IHH: variants seen among roughly 807,000 people sequenced by gnomAD.
IHH encodes indian hedgehog protein.
IHH carries 9 observed loss-of-function variants against 29.4 expected under a neutral mutation model. That is an observed-to-expected ratio of 0.31 (90% confidence interval 0.18 to 0.53). The LOEUF (loss-of-function observed/expected upper bound fraction) is 0.53, where lower values mean the gene tolerates loss of function less well. Among genes scored for constraint, IHH ranks in the 20% least tolerant of loss-of-function variants. The pLI, the probability that IHH is intolerant of heterozygous loss-of-function variation, is 0.95. For synonymous variants in IHH, 254 were observed against 252.7 expected (o/e 1.01, Z -0.05); for missense variants, 454 against 578.1 (o/e 0.79, Z 2.20).
rs1242352078 is a variant in IHH, at chr2:219,055,050, G to A, written c.*157C>T. On this transcript the variant is annotated 3_prime_UTR_variant, in exon 3 of 3. Coordinates refer to ENST00000295731, the MANE Select transcript of IHH (RefSeq NM_002181.4). ...CACGACGGGGGTGGGGGACGCTGGT[G>A]TTGCCCAGTCAAGTCTCAATGGTGT... The A allele has an allele frequency of 7.8e-6, 6 of 772,880 alleles. No homozygotes were observed. The highest frequency in any genetic ancestry group is 2.7e-5 in the East Asian group (1 of 37,072). The allele number at this position is 772,880 out of a possible 1,614,324, so 47.9% of individuals were successfully genotyped here.
Position 219,055,111 on chromosome 2 carries a change from C to G in IHH, c.*96G>C. The G allele has an allele frequency of 7.7e-7, 1 of 1,298,702 alleles. No individual in the cohort carries two copies. The highest frequency in any genetic ancestry group is 1.1e-6 in the Non-Finnish European group (1 of 927,798). The allele number at this position is 1,298,702 out of a possible 1,614,324, so 80.4% of individuals were successfully genotyped here. ...CAGAGGAGATGGCAGGAGCCAGTGT[C>G]CCCCAGCTCAGGTCCCTTCCAGGGC... On this transcript the variant is annotated 3_prime_UTR_variant, in exon 3 of 3. Transcript: ENST00000295731.
At chr2:219,056,467 G>A (rs1948832084) in intron 2 of IHH, among the ~76,000 whole-genome samples, 2 of 152,210 alleles carry the variant, frequency 1.3e-5, no homozygotes, top group Non-Finnish European at 2.9e-5. Context: ...AGGTGAGCTG[G>A]AGAACAGTGT....
Position 219,060,463 on chromosome 2 carries a change from G to C in IHH, c.5C>G (p.Ser2Cys). 1.3e-6 allele frequency: 2 copies of C among 1,503,438 alleles called. No homozygotes were observed. Among genetic ancestry groups the C allele is most frequent in the Non-Finnish European group, 8.8e-7 (1 of 1,131,122 alleles). The allele number at this position is 1,503,438 out of a possible 1,614,324, so 93.1% of individuals were successfully genotyped here. A position where few individuals can be genotyped will look rare whatever the true frequency, so the allele number is the denominator to read the frequency against. The change falls in exon 1 of 3, where the codon TCT (serine) becomes TGT (cysteine). Residue 2 changes from serine (S) to cysteine (C), a missense_variant. Physicochemically the swap from Ser to Cys is moderately radical, Grantham distance 112. This residue lies in a region of IHH where 113 missense variants were observed against 122.1 expected (regional missense o/e 0.93). Coordinates refer to ENST00000295731, the MANE Select transcript of IHH (RefSeq NM_002181.4). This position sits in a 1 kb window ranked among gnomAD's most constrained non-coding sequence, Gnocchi z 8.8. The stretch of plus-strand genomic sequence containing the variant: ...CAGTCGGGGCCGGAGCCGGGCGGGA[G>C]ACATGGCCGGGGAGCCCGGGGGAGC... Reference protein sequence around the residue: MSPARLRPRLHF... With the variant: MCPARLRPRLHF...
Position 219,060,563 on chromosome 2 carries a change from TGGCTCCGGGG to T in IHH, c.-106_-97del. 1.2e-6 allele frequency: 1 copy of T among 862,406 alleles called. No homozygotes were observed. Among genetic ancestry groups the T allele is most frequent in the Non-Finnish European group, 1.6e-6 (1 of 631,336 alleles). The allele number at this position is 862,406 out of a possible 1,614,324, so 53.4% of individuals were successfully genotyped here. ...CGCTGCGGGGGCTCAGGCGTCCGGG[TGGCTCCGGGG>T]GGCTCCAGGCGGGGGCGCCATGGGC... On this transcript the variant is annotated 5_prime_UTR_variant, in exon 1 of 3. It removes the in-frame stop codon of an upstream open reading frame in the 5' UTR. Transcript: ENST00000295731. The surrounding 1 kb of genome is among the most constrained non-coding windows in gnomAD (Gnocchi z 8.8).
intron 2 of IHH, among the ~76,000 whole-genome samples, 155 bp downstream of exon 2, chr2:219,057,277 CA>C (rs1236872148): frequency 1.3e-5 from 2 of 152,212 alleles, no homozygotes; most frequent in Admixed American, 6.5e-5. Context: ...AGCAGGCAGT[CA>C]CGGTCAGGAG....
rs1166974122 is a variant in IHH at position 219,054,929 on chromosome 2, TGA to T, written c.*276_*277del. ...ATGAAAACTCGTAGTGAGAGCAGGCTGAGTTGGGAGTCGCCGTGCCAGCCTCA... is the reference window on the plus strand; with the variant it reads ...ATGAAAACTCGTAGTGAGAGCAGGCTGTTGGGAGTCGCCGTGCCAGCCTCA... On this transcript the variant is annotated 3_prime_UTR_variant, in exon 3 of 3. Transcript: ENST00000295731. 1 of 498,540 alleles carries T rather than the reference TGA, an allele frequency of 2.0e-6. No individual in the cohort carries two copies. Among genetic ancestry groups the T allele is most frequent in the African/African-American group, 1.9e-5 (1 of 51,768 alleles). 30.9% of individuals were successfully genotyped at this position (498,540 alleles called of 1,614,324 possible).
chr2:219,060,442 C>G lies in IHH; in HGVS notation c.26G>C (p.Arg9Pro). Reference protein sequence around the residue: MSPARLRPRLHFCLVLLLL... With the variant: MSPARLRPPLHFCLVLLLL... ...CAACAGGACCAGGCAGAAGTGCAGT[C>G]GGGGCCGGAGCCGGGCGGGAGACAT... The change falls in exon 1 of 3, where the codon CGA becomes CCA. Residue 9 changes from arginine (R) to proline (P), a missense_variant. Physicochemically the swap from Arg to Pro is moderately radical, Grantham distance 103. This residue lies in a region of IHH where 113 missense variants were observed against 122.1 expected (regional missense o/e 0.93). Coordinates refer to ENST00000295731, the MANE Select transcript of IHH (RefSeq NM_002181.4). The surrounding 1 kb of genome is among the most constrained non-coding windows in gnomAD (Gnocchi z 8.8). 1.9e-6 allele frequency: 3 copies of G among 1,564,916 alleles called. No individual in the cohort carries two copies. The highest frequency in any genetic ancestry group is 2.6e-6 in the Non-Finnish European group (3 of 1,159,554).
rs1260946692 is a variant in IHH, at chr2:219,059,185, C to T, written c.315+968G>A. Among the ~76,000 whole-genome samples the T allele has an allele frequency of 1.3e-5, 2 of 152,218 alleles. No individual in the cohort carries two copies. Among genetic ancestry groups the T allele is most frequent in the Non-Finnish European group, 2.9e-5 (2 of 68,034 alleles). On this transcript the variant is annotated intron_variant, in intron 1 of 2. Coordinates refer to ENST00000295731, the MANE Select transcript of IHH (RefSeq NM_002181.4). The surrounding 1 kb of genome is among the most constrained non-coding windows in gnomAD (Gnocchi z 4.7). ...GGCCCCGACACTGGCCGGCCAGCCCCGGCGCCAGGGTGCATGCTGAGGGCC... is the reference window on the plus strand; with the variant it reads ...GGCCCCGACACTGGCCGGCCAGCCCTGGCGCCAGGGTGCATGCTGAGGGCC...
rs562435611 is a variant in IHH at position 219,057,776 on chromosome 2, C to T, written c.316-82G>A. 36 of 1,512,734 alleles carry T rather than the reference C, an allele frequency of 2.4e-5. No individual in the cohort carries two copies. The Admixed American group carries it at 6.8e-4, about 29-fold the overall frequency. The allele number at this position is 1,512,734 out of a possible 1,614,324, so 93.7% of individuals were successfully genotyped here. On this transcript the variant is annotated intron_variant, in intron 1 of 2. Coordinates refer to ENST00000295731, the MANE Select transcript of IHH (RefSeq NM_002181.4). ...CGAGGTGCAGGTGTAGGCGCAGCCTCGCCCAGAACTCTCCCGCCACACCCA... is the reference window on the plus strand; with the variant it reads ...CGAGGTGCAGGTGTAGGCGCAGCCTTGCCCAGAACTCTCCCGCCACACCCA...
chr2:219,060,207 T>C lies in IHH; in HGVS notation c.261A>G (p.Pro87=), dbSNP rs754706571. ...TCTCCTCGTCCTTGAAGATGATGTCTGGATTGTAATTGGGGGTGAGCTCCT... is the reference window on the plus strand; with the variant it reads ...TCTCCTCGTCCTTGAAGATGATGTCCGGATTGTAATTGGGGGTGAGCTCCT... ...RFKELTPNYN[P]DIIFKDEENT... Residue 87 remains proline, a synonymous_variant, in exon 1 of 3, where the codon CCA becomes CCG. Coordinates refer to ENST00000295731, the MANE Select transcript of IHH (RefSeq NM_002181.4). The surrounding 1 kb of genome is among the most constrained non-coding windows in gnomAD (Gnocchi z 8.8). 5.6e-6 allele frequency: 9 copies of C among 1,613,140 alleles called. No individual in the cohort carries two copies. The highest frequency in any genetic ancestry group is 7.6e-6 in the Non-Finnish European group (9 of 1,179,748).
intron 1 of IHH, among the ~76,000 whole-genome samples, chr2:219,058,947 C>T (rs970840261): frequency 1.3e-5 from 2 of 152,190 alleles, no homozygotes; most frequent in African/African-American, 4.8e-5. Context: ...GGAGGGAGCT[C>T]CGCTTGCTCC....
chr2:219,056,003 GC>G, intron 2 of IHH, 138 bp from the exon 3 acceptor site: 1 of 862,778 alleles, frequency 1.2e-6, no homozygotes, highest in Non-Finnish European at 1.8e-6. Flanking sequence ...CCCAGCTCCT[GC>G]CCCCCACTTC....
Position 219,060,359 on chromosome 2 carries a change from G to C in IHH, c.109C>G (p.Arg37Gly). ...ACGAGTTTGCGTGGCGGTCGCCGGC[G>C]GCTGCCCACCACCCGACCCGGCCCG... ...GCGPGRVVGS[R>G]RRPPRKLVPL... The change falls in exon 1 of 3, where the codon CGC becomes GGC. Residue 37 changes from arginine to glycine, a missense_variant. This residue lies in a region of IHH where 113 missense variants were observed against 122.1 expected (regional missense o/e 0.93). Transcript: ENST00000295731. This position sits in a 1 kb window ranked among gnomAD's most constrained non-coding sequence, Gnocchi z 8.8. The C allele has an allele frequency of 1.2e-6, 2 of 1,606,764 alleles. No homozygotes were observed. The highest frequency in any genetic ancestry group is 1.7e-6 in the Non-Finnish European group (2 of 1,179,180).
In IHH at chr2:219,060,271, C is replaced by T. The variant is rs774431630; in HGVS notation, c.197G>A (p.Arg66His). 1 of 1,613,608 alleles carries T rather than the reference C, an allele frequency of 6.2e-7. No homozygotes were observed. Among genetic ancestry groups the T allele is most frequent in the Non-Finnish European group, 8.5e-7 (1 of 1,179,870 alleles). Reference sequence around the variant, plus strand: ...GCTGCGAGCGATCTTGCCTTCATAGCGTCCGCTGGCGCCCAGGGTCTTCTC... The same window carrying T: ...GCTGCGAGCGATCTTGCCTTCATAGTGTCCGCTGGCGCCCAGGGTCTTCTC... ...VPEKTLGASGRYEGKIARSSE... is the reference protein window; with the variant it reads ...VPEKTLGASGHYEGKIARSSE... The change falls in exon 1 of 3, where the codon CGC becomes CAC. Residue 66 changes from arginine (R) to histidine (H), a missense_variant. Physicochemically the swap from Arg to His is conservative, Grantham distance 29. Transcript: ENST00000295731. The surrounding 1 kb of genome is among the most constrained non-coding windows in gnomAD (Gnocchi z 8.8).
At chr2:219,058,496 C>T (rs190466363) in intron 1 of IHH, among the ~76,000 whole-genome samples, 2 of 152,272 alleles carry the variant, frequency 1.3e-5, no homozygotes, top group East Asian at 3.9e-4. Context: ...TGCACCGGTG[C>T]CCCGCCCCTA....
Position 219,055,454 on chromosome 2 carries a change from G to C in IHH, c.989C>G (p.Ala330Gly). The C allele has an allele frequency of 6.2e-7, 1 of 1,611,706 alleles. No homozygotes were observed. Among genetic ancestry groups the C allele is most frequent in the Admixed American group, 1.7e-5 (1 of 59,980 alleles). Residue 330 changes from alanine to glycine, a missense_variant, in exon 3 of 3, where the codon GCC becomes GGC. Ala to Gly is a moderately conservative substitution (Grantham distance 60). Transcript: ENST00000295731. ...VSTHVALGAY[A>G]PLTKHGTLVV... ...CAGTGTCCCATGCTTTGTGAGCGGG[G>C]CGTAGGCCCCGAGGGCCACGTGTGT...
chr2:219,058,260 G>C (rs905511187), intron 1 of IHH, among the ~76,000 whole-genome samples: 11 of 152,178 alleles, frequency 7.2e-5, no homozygotes, highest in African/African-American at 2.4e-4. Context: ...CAGGGGGTGT[G>C]TTGGAGGGGA....
Position 219,055,047 on chromosome 2 carries a change from G to T in IHH, c.*160C>A. On this transcript the variant is annotated 3_prime_UTR_variant, in exon 3 of 3. Coordinates refer to ENST00000295731, the MANE Select transcript of IHH (RefSeq NM_002181.4). The stretch of plus-strand genomic sequence containing the variant: ...CACCACGACGGGGGTGGGGGACGCT[G>T]GTGTTGCCCAGTCAAGTCTCAATGG... The T allele has an allele frequency of 1.3e-6, 1 of 748,656 alleles. No homozygotes were observed. Among genetic ancestry groups the T allele is most frequent in the South Asian group, 1.8e-5 (1 of 54,148 alleles). The allele number at this position is 748,656 out of a possible 1,614,324, so 46.4% of individuals were successfully genotyped here.
intron 1 of IHH, among the ~76,000 whole-genome samples, chr2:219,058,138 G>A (rs1347824814): frequency 1.3e-5 from 2 of 152,186 alleles, no homozygotes; most frequent in Admixed American, 6.5e-5. Flanking sequence ...CGGCCGGCCT[G>A]CGAGGCGTGC....
Sources: allele counts gnomAD v4.1 joint callset (sites outside exome capture counted in the v4.1 genomes callset), GRCh38; gene constraint gnomAD v4.1.1; regional missense constraint gnomAD v4.1.1; non-coding constraint Gnocchi (gnomAD v3.1); transcripts MANE v1.5; gene names NCBI Gene and HGNC (gene_info 2026-07-23, HGNC 2026-07-21).